The following EVC variants were observed in gnomAD, a reference collection of about 807,000 sequenced individuals.
EVC encodes evC complex member EVC.
EVC carries 116 observed loss-of-function variants against 118.9 expected under a neutral mutation model. That is an observed-to-expected ratio of 0.98 (90% CI 0.84 to 1.14). The LOEUF (loss-of-function observed/expected upper bound fraction) is 1.14. Among genes scored for constraint, EVC ranks in the 50% most tolerant of loss-of-function variants. The pLI, the probability that EVC is intolerant of heterozygous loss-of-function variation, is 0.00. For missense variants in EVC, 1,401 were observed against 1,246.4 expected (o/e 1.12, Z -1.87); for synonymous variants, 619 against 534.7 (o/e 1.16, Z -2.18).
intron 11 of EVC, among the ~76,000 whole-genome samples, chr4:5,769,060 A>G (rs1577504911): frequency 6.6e-6 from 1 of 152,074 alleles, no homozygotes; most frequent in Non-Finnish European, 1.5e-5. Context: ...TTTGATGGTC[A>G]CCTATATTAA....
intron 12 of EVC, among the ~76,000 whole-genome samples, chr4:5,792,887 C>G (rs76463521): frequency 0.095 from 14,500 of 152,142 alleles, 1,008 homozygotes; most frequent in African/African-American, 0.19. Flanking sequence ...TATAGAATGT[C>G]ATTGAAGGCA....
Position 5,746,890 on chromosome 4 carries a change from A to G in EVC, c.940-1258A>G, listed in dbSNP as rs1377626623. 6.6e-6 allele frequency among the ~76,000 whole-genome samples: 1 copy of G among 152,176 alleles called. No homozygotes were observed. The highest frequency in any genetic ancestry group is 1.5e-5 in the Non-Finnish European group (1 of 68,032). On this transcript the variant is annotated intron_variant, in intron 7 of 20. Transcript: ENST00000264956. This position sits in a 1 kb window ranked among gnomAD's most constrained non-coding sequence, Gnocchi z 5.8. Reference sequence around the variant, plus strand: ...GGAATTGGATGGGCTTTGCAGAAGCAGGAGAAAATCATGTCATGGACGCCA... The same window carrying G: ...GGAATTGGATGGGCTTTGCAGAAGCGGGAGAAAATCATGTCATGGACGCCA...
intron 11 of EVC, among the ~76,000 whole-genome samples, chr4:5,773,670 G>A (rs1456524446): frequency 2.0e-5 from 3 of 152,074 alleles, no homozygotes; most frequent in Admixed American, 2.0e-4. Flanking sequence ...AGGTTTGTAT[G>A]CAGGTATCCT....
At chr4:5,825,039 G>C in the EVC span, 3 of 985,138 alleles carry the variant, frequency 3.0e-6, no homozygotes, top group Non-Finnish European at 3.6e-6. This position sits in a 1 kb window ranked among gnomAD's most constrained non-coding sequence, Gnocchi z 4.4. Flanking sequence ...TTATGGAGTA[G>C]TGAGGATAAA....
In EVC at chr4:5,802,071, T is replaced by G. The variant is rs200839198; in HGVS notation, c.2426T>G (p.Leu809Arg). 1.4e-5 allele frequency: 23 copies of G among 1,613,672 alleles called. No individual in the cohort carries two copies. The highest frequency in any genetic ancestry group is 1.9e-5 in the Non-Finnish European group (22 of 1,179,940). ...RIMEDHEERK[L>R]QHLKTLQGER... ...ATGGAGGACCACGAGGAGAGAAAAC[T>G]GCAGCACCTGAAGACCCTGCAGGGT... Residue 809 changes from leucine to arginine, a missense_variant, in exon 16 of 21, where the codon CTG (leucine) becomes CGG (arginine). Physicochemically the swap from Leu to Arg is moderately radical, Grantham distance 102. Coordinates refer to ENST00000264956, the MANE Select transcript of EVC (RefSeq NM_153717.3).
chr4:5,719,215 A>G lies in EVC; in HGVS notation c.175-33A>G, dbSNP rs748170867. Reference sequence around the variant, plus strand: ...CGACTGACCTCAATGTTGTGTTTCTATCCACCCCCAACTCCTGACCTTCGG... The same window carrying G: ...CGACTGACCTCAATGTTGTGTTTCTGTCCACCCCCAACTCCTGACCTTCGG... On this transcript the variant is annotated intron_variant, in intron 1 of 20. Coordinates refer to ENST00000264956, the MANE Select transcript of EVC (RefSeq NM_153717.3). This position sits in a 1 kb window ranked among gnomAD's most constrained non-coding sequence, Gnocchi z 4.7. 2.5e-6 allele frequency: 4 copies of G among 1,613,872 alleles called. No homozygotes were observed. Among genetic ancestry groups the G allele is most frequent in the East Asian group, 4.5e-5 (2 of 44,882 alleles).
At chr4:5,714,344 CA>C (rs1455634711) in intron 1 of EVC, among the ~76,000 whole-genome samples, 3 of 152,186 alleles carry the variant, frequency 2.0e-5, no homozygotes, top group Admixed American at 6.5e-5. Context: ...CAAAGTTGTT[CA>C]TGCACATAAT....
At chr4:5,747,376 C>G (rs563196483) in intron 7 of EVC, among the ~76,000 whole-genome samples, 1 of 152,292 alleles carries the variant, frequency 6.6e-6, no homozygotes, top group East Asian at 1.9e-4. Context: ...TTAAATGGAC[C>G]TGAACCAAAT....
intron 11 of EVC, among the ~76,000 whole-genome samples, chr4:5,771,733 A>G (rs1733995170): frequency 6.6e-6 from 1 of 152,178 alleles, no homozygotes; most frequent in Admixed American, 6.5e-5. Flanking sequence ...GCAGGTGTCC[A>G]TGGGCGCTGC....
intron 8 of EVC, among the ~76,000 whole-genome samples, chr4:5,748,570 A>ACCCATCCG (rs1729757955): frequency 3.0e-5 from 3 of 98,654 alleles, no homozygotes; most frequent in African/African-American, 1.3e-4. Context: ...CCATTTATCC[A>ACCCATCCG]TCCATCCATC....
the EVC span, chr4:5,828,537 C>A: frequency 1.2e-6 from 2 of 1,614,264 alleles, no homozygotes; most frequent in African/African-American, 1.3e-5. Context: ...GGAACGCCTT[C>A]CGCGGAATGA....
At chr4:5,805,891 C>CTTTTTTTTTT (rs4045512) in intron 17 of EVC, among the ~76,000 whole-genome samples, 3 of 123,968 alleles carry the variant, frequency 2.4e-5, no homozygotes, top group Non-Finnish European at 4.9e-5. Context: ...AGTTTCTTTT[C>CTTTTTTTTTT]TTTTTTTTTT....
chr4:5,804,905 CTG>C, intron 17 of EVC, 64 bp downstream of exon 17: 2 of 1,409,484 alleles, frequency 1.4e-6, no homozygotes, highest in Non-Finnish European at 2.0e-6. Flanking sequence ...GCATATCTCT[CTG>C]TGGTGCCGTC....
intron 11 of EVC, among the ~76,000 whole-genome samples, chr4:5,757,254 G>A (rs1226460216): frequency 6.6e-6 from 1 of 152,178 alleles, no homozygotes; most frequent in South Asian, 2.1e-4. Flanking sequence ...GAGGCAAGGG[G>A]CTCCTGGGTG....
chr4:5,726,655 T>C (rs977214105), intron 2 of EVC, among the ~76,000 whole-genome samples: 2 of 150,228 alleles, frequency 1.3e-5, no homozygotes, highest in Non-Finnish European at 3.0e-5. Flanking sequence ...TGTGCCATGC[T>C]GGTGCGCTGC....
At chr4:5,786,683 C>A (rs1711675313) in intron 12 of EVC, among the ~76,000 whole-genome samples, 1 of 152,094 alleles carries the variant, frequency 6.6e-6, no homozygotes, top group Non-Finnish European at 1.5e-5. Flanking sequence ...ACCATCCTGG[C>A]TAACATGGTG....
intron 6 of EVC, among the ~76,000 whole-genome samples, chr4:5,744,746 G>C (rs1729097019): frequency 6.6e-6 from 1 of 152,126 alleles, no homozygotes; most frequent in Non-Finnish European, 1.5e-5. Context: ...GGCCTCCCCT[G>C]ATTGGCCCAT....
chr4:5,752,457 A>G (rs3774868), intron 8 of EVC, among the ~76,000 whole-genome samples: 63,945 of 151,936 alleles, frequency 0.42, 14,511 homozygotes, highest in African/African-American at 0.58. Context: ...CATTTCCTCC[A>G]CAGCCCTGTG....
intron 2 of EVC, 25 bp from the exon 3 acceptor site, chr4:5,729,282 T>C (rs541331576): frequency 6.2e-7 from 1 of 1,612,136 alleles, no homozygotes; most frequent in Non-Finnish European, 8.5e-7. Context: ...AAGTTTCCCA[T>C]GCCGTTTGTG....
Sources: gnomAD v4.1 joint callset for allele counts (sites outside exome capture counted in the v4.1 genomes callset) on GRCh38, gnomAD v4.1.1 for gene constraint, Gnocchi (gnomAD v3.1) non-coding constraint, MANE v1.5 for transcripts, NCBI Gene and HGNC (gene_info 2026-07-23, HGNC 2026-07-21) for gene names.